CBFA2T2: variants seen among roughly 807,000 people sequenced by gnomAD.
The protein encoded by CBFA2T2 is protein CBFA2T2.
CBFA2T2 carries 11 observed loss-of-function variants against 62.2 expected under a neutral mutation model. That is an observed-to-expected ratio of 0.18 (90% CI 0.11 to 0.29). The LOEUF is 0.29. CBFA2T2 is among the 10% of genes least tolerant of loss of function. The pLI is 1.00. For missense variants in CBFA2T2, 592 were observed against 774.1 expected (o/e 0.76, Z 2.79); for synonymous variants, 295 against 287.5 (o/e 1.03, Z -0.27).
At chr20:33,520,569 G>A (rs1476079536) in intron 1 of CBFA2T2, among the ~76,000 whole-genome samples, 3 of 152,028 alleles carry the variant, frequency 2.0e-5, no homozygotes, top group South Asian at 4.1e-4. Flanking sequence ...TCAGGAGTTC[G>A]AAACCAGCCT....
chr20:33,607,561 C>T (rs1168841805), intron 2 of CBFA2T2, among the ~76,000 whole-genome samples: 1 of 152,082 alleles, frequency 6.6e-6, no homozygotes, highest in Non-Finnish European at 1.5e-5. Flanking sequence ...TTTTTATTCA[C>T]TTTTTCACAG....
chr20:33,602,101 A>G (rs1299907085), intron 1 of CBFA2T2, among the ~76,000 whole-genome samples: 1 of 152,178 alleles, frequency 6.6e-6, no homozygotes, highest in African/African-American at 2.4e-5. Flanking sequence ...ATGTGCCATC[A>G]TGCCCAACCA....
chr20:33,503,255 T>TTTCTTTC (rs200368944), intron 1 of CBFA2T2, among the ~76,000 whole-genome samples: 3 of 22,804 alleles, frequency 1.3e-4, no homozygotes, highest in Non-Finnish European at 2.7e-4. Context: ...TCTTTCTTTC[T>TTTCTTTC]TTTTTTTTTT....
intron 1 of CBFA2T2, among the ~76,000 whole-genome samples, chr20:33,593,391 ATTTTTTTTTTT>A: frequency 9.1e-6 from 1 of 109,862 alleles, no homozygotes; most frequent in Non-Finnish European, 1.8e-5. Flanking sequence ...TCTTGACTGG[ATTTTTTTTTTT>A]TTTTTTTTTT....
rs765142273 is a variant in CBFA2T2, at chr20:33,607,073, G to A, written c.152G>A (p.Arg51Lys). 10 of 1,613,940 alleles carry A rather than the reference G, an allele frequency of 6.2e-6. No homozygotes were observed. Among genetic ancestry groups the A allele is most frequent in the Admixed American group, 1.7e-5 (1 of 59,992 alleles). Residue 51 changes from arginine (R) to lysine (K), a missense_variant, in exon 2 of 11, where the codon AGG becomes AAG. By Grantham distance (26) the Arg-to-Lys change is conservative. This residue lies in a region of CBFA2T2 where 449 missense variants were observed against 551.2 expected (regional missense o/e 0.81). Transcript: ENST00000342704. The part of the protein sequence containing the change: ...PLPPINPGGP[R>K]PVSFTPTALS... ...CCACCAATAAATCCTGGAGGACCGAGGCCAGTGTCCTTCACTCCTACTGCA... is the reference window on the plus strand; with the variant it reads ...CCACCAATAAATCCTGGAGGACCGAAGCCAGTGTCCTTCACTCCTACTGCA...
intron 1 of CBFA2T2, chr20:33,574,055 C>T: frequency 7.0e-7 from 1 of 1,423,822 alleles, no homozygotes; most frequent in Non-Finnish European, 9.4e-7. Flanking sequence ...GCCCAAAGTG[C>T]TGGGATTACA....
intron 1 of CBFA2T2, among the ~76,000 whole-genome samples, chr20:33,602,974 C>G (rs566173509): frequency 2.6e-3 from 399 of 152,254 alleles, no homozygotes; most frequent in Non-Finnish European, 4.5e-3. Flanking sequence ...ATACTCTGGA[C>G]AAAGGGATGA....
At chr20:33,539,834 G>C (rs143552558) in intron 1 of CBFA2T2, among the ~76,000 whole-genome samples, 1 of 151,694 alleles carries the variant, frequency 6.6e-6, no homozygotes, top group Admixed American at 6.6e-5. Flanking sequence ...CTATAGGTGC[G>C]TACCACCATG....
intron 2 of CBFA2T2, among the ~76,000 whole-genome samples, chr20:33,607,396 T>G (rs1187571671): frequency 6.6e-6 from 1 of 152,260 alleles, no homozygotes; most frequent in African/African-American, 2.4e-5. Flanking sequence ...TTATATTGCC[T>G]TATGGGATTC....
chr20:33,526,670 T>C (rs1323414611), intron 1 of CBFA2T2, among the ~76,000 whole-genome samples: 1 of 152,206 alleles, frequency 6.6e-6, no homozygotes, highest in African/African-American at 2.4e-5. Context: ...AGTTAGCTTT[T>C]TATAGGATAC....
At chr20:33,557,037 C>G (rs1189782243) in intron 1 of CBFA2T2, among the ~76,000 whole-genome samples, 1 of 78,064 alleles carries the variant, frequency 1.3e-5, no homozygotes, top group African/African-American at 6.4e-5. Context: ...TTTTTTGAGA[C>G]AGAGCCTCAC....
At chr20:33,545,559 G>A (rs982355590) in intron 1 of CBFA2T2, among the ~76,000 whole-genome samples, 1 of 151,550 alleles carries the variant, frequency 6.6e-6, no homozygotes, top group Non-Finnish European at 1.5e-5. Flanking sequence ...GGATTCTCCT[G>A]CCTCAGCCTC....
chr20:33,572,233 A>G (rs1259662632), intron 1 of CBFA2T2, among the ~76,000 whole-genome samples: 1 of 152,242 alleles, frequency 6.6e-6, no homozygotes, highest in South Asian at 2.1e-4. Context: ...TGGTAATTAT[A>G]CTGGGCTTAT....
At chr20:33,568,980 A>G (rs1014252025) in intron 1 of CBFA2T2, among the ~76,000 whole-genome samples, 8 of 152,202 alleles carry the variant, frequency 5.3e-5, no homozygotes, top group African/African-American at 1.7e-4. Flanking sequence ...TAAATATTAA[A>G]TGTAGAAACA....
chr20:33,544,945 C>CAGAATAGAACAGAATAGAAT (rs2012500467), intron 1 of CBFA2T2, among the ~76,000 whole-genome samples: 3 of 130,898 alleles, frequency 2.3e-5, no homozygotes, highest in African/African-American at 9.3e-5. Flanking sequence ...TAGAATAGAA[C>CAGAATAGAACAGAATAGAAT]AGAATAGAAT....
chr20:33,628,039 C>T (rs1430079005), intron 6 of CBFA2T2, among the ~76,000 whole-genome samples: 1 of 152,214 alleles, frequency 6.6e-6, no homozygotes, highest in Non-Finnish European at 1.5e-5. Context: ...TTAGTATTAT[C>T]TGACATTTTA....
At chr20:33,611,670 CAT>C (rs2015534597) in intron 3 of CBFA2T2, among the ~76,000 whole-genome samples, 1 of 152,084 alleles carries the variant, frequency 6.6e-6, no homozygotes, top group Non-Finnish European at 1.5e-5. Flanking sequence ...TGCATGCCGC[CAT>C]GCCCAGCTAA....
intron 10 of CBFA2T2, 54 bp downstream of exon 10, chr20:33,640,585 G>T: frequency 6.5e-7 from 1 of 1,527,030 alleles, no homozygotes; most frequent in Non-Finnish European, 9.0e-7. Context: ...GACCACGCCC[G>T]CTGCCTTCCT....
intron 1 of CBFA2T2, among the ~76,000 whole-genome samples, chr20:33,550,040 A>T (rs1044132878): frequency 2.6e-5 from 4 of 152,096 alleles, no homozygotes; most frequent in African/African-American, 4.8e-5. Flanking sequence ...TAGAATTTGG[A>T]CAGTTTTTTC....
Sources: allele counts gnomAD v4.1 joint callset (sites outside exome capture counted in the v4.1 genomes callset), GRCh38; gene constraint gnomAD v4.1.1; regional missense constraint gnomAD v4.1.1; transcripts MANE v1.5; gene names NCBI Gene and HGNC (gene_info 2026-07-23, HGNC 2026-07-21).